MPRIP: variants seen among roughly 807,000 people sequenced by gnomAD.
The protein encoded by MPRIP is myosin phosphatase Rho interacting protein, also known as myosin phosphatase Rho-interacting protein.
In MPRIP, 59 loss-of-function variants were observed where a neutral mutation model predicts 234.9. That is an observed-to-expected ratio of 0.25 (90% CI 0.20 to 0.31). The LOEUF is 0.31. Ranked by LOEUF, MPRIP falls within the 10% of genes least tolerant of loss-of-function variation. The probability of loss-of-function intolerance (pLI) is 1.00; values close to 1 mark genes in which losing one functional copy is unlikely to be tolerated. For missense variants in MPRIP, 2,436 were observed against 3,071.0 expected (o/e 0.79, Z 4.89); for synonymous variants, 1,144 against 1,263.9 (o/e 0.91, Z 2.01).
At chr17:17,069,893 C>T (rs1420144380) in intron 1 of MPRIP, among the ~76,000 whole-genome samples, 1 of 152,006 alleles carries the variant, frequency 6.6e-6, no homozygotes, top group Non-Finnish European at 1.5e-5. Flanking sequence ...CTATGATTTC[C>T]TTTTTGTTTA....
chr17:17,156,422 G>A (rs1053503853), intron 13 of MPRIP, among the ~76,000 whole-genome samples: 2 of 152,230 alleles, frequency 1.3e-5, no homozygotes, highest in Non-Finnish European at 2.9e-5. Flanking sequence ...TTTGTTTTCA[G>A]CATTTATTCT....
intron 7 of MPRIP, among the ~76,000 whole-genome samples, chr17:17,141,124 G>C (rs2090806975): frequency 6.6e-6 from 1 of 152,216 alleles, no homozygotes; most frequent in Non-Finnish European, 1.5e-5. Context: ...ACCACGGCAT[G>C]CGATTTGCAT....
chr17:17,087,276 G>A (rs772354465), intron 3 of MPRIP, among the ~76,000 whole-genome samples: 2 of 152,192 alleles, frequency 1.3e-5, no homozygotes, highest in Admixed American at 6.5e-5. Flanking sequence ...ACAAGCAGCC[G>A]GGTCCCTGGA....
intron 3 of MPRIP, chr17:17,097,204 C>T (rs569020195): frequency 1.0e-5 from 2 of 194,834 alleles, no homozygotes; most frequent in East Asian, 1.3e-4. Flanking sequence ...GCAAAATTGC[C>T]TATTAAACCC....
rs2088200538 is a variant in MPRIP at position 17,042,478 on chromosome 17, TC to T, written c.-368del. ...CCCCGTAGTGCGTGAGGCGCTCCGGTCCCATTTGCAGCGGCCGCGGGGCGCC... is the reference window on the plus strand; with the variant it reads ...CCCCGTAGTGCGTGAGGCGCTCCGGTCCATTTGCAGCGGCCGCGGGGCGCC... On this transcript the variant is annotated 5_prime_UTR_variant, in exon 1 of 24. Transcript: ENST00000651222. The T allele has an allele frequency of 7.0e-6, 1 of 143,726 alleles. No homozygotes were observed. The highest frequency in any genetic ancestry group is 6.9e-5 in the Admixed American group (1 of 14,504). 8.9% of individuals were successfully genotyped at this position (143,726 alleles called of 1,614,324 possible).
At chr17:17,072,823 C>T (rs1284584530) in intron 1 of MPRIP, among the ~76,000 whole-genome samples, 1 of 152,158 alleles carries the variant, frequency 6.6e-6, no homozygotes, top group Admixed American at 6.5e-5. Flanking sequence ...TCATTCCTGC[C>T]TCTGCACCTG....
At chr17:17,121,417 CA>C (rs1307093521) in intron 3 of MPRIP, among the ~76,000 whole-genome samples, 1 of 152,254 alleles carries the variant, frequency 6.6e-6, no homozygotes, top group African/African-American at 2.4e-5. Flanking sequence ...AGCTTCTTAG[CA>C]GTCTGCTTCC....
intron 3 of MPRIP, among the ~76,000 whole-genome samples, chr17:17,109,300 G>A (rs570587382): frequency 1.3e-3 from 203 of 152,340 alleles, no homozygotes; most frequent in African/African-American, 4.8e-3. Context: ...GTAGAGTGGA[G>A]TCTGCAAGCC....
At chr17:17,163,942 A>AG (rs2144623370) in intron 15 of MPRIP, among the ~76,000 whole-genome samples, 167 bp from the exon 16 acceptor site, 1 of 151,998 alleles carries the variant, frequency 6.6e-6, no homozygotes, top group South Asian at 2.1e-4. Context: ...AAAAAAAAAA[A>AG]AGAAAATTTG....
intron 1 of MPRIP, among the ~76,000 whole-genome samples, chr17:17,065,420 C>T (rs1325998326): frequency 7.1e-6 from 1 of 141,076 alleles, no homozygotes; most frequent in Non-Finnish European, 1.5e-5. Flanking sequence ...CGAAGGGTCA[C>T]TCTAGCACCA....
At chr17:17,163,874 T>C (rs1381060736) in intron 15 of MPRIP, among the ~76,000 whole-genome samples, 1 of 151,496 alleles carries the variant, frequency 6.6e-6, no homozygotes, top group East Asian at 1.9e-4. Flanking sequence ...TGGTTAAAGC[T>C]GTTTTCTGAT....
chr17:17,157,988 A>G (rs1420294547), intron 13 of MPRIP, among the ~76,000 whole-genome samples: 2 of 152,156 alleles, frequency 1.3e-5, no homozygotes, highest in Non-Finnish European at 2.9e-5. Flanking sequence ...GGCTGTGCCC[A>G]GGTGCAGCCT....
Position 17,052,448 on chromosome 17 carries a change from G to A in MPRIP, c.123+9477G>A, listed in dbSNP as rs8066877. 6.3e-3 allele frequency among the ~76,000 whole-genome samples: 959 copies of A among 152,220 alleles called. 5 individuals are homozygous for A. Among genetic ancestry groups the A allele is most frequent in the African/African-American group, 0.021 (886 of 41,514 alleles). ...CCTGCCTTTCCCCCACATTATGCAG[G>A]TGAGGGATTGTCTTCAATTAGCAGA... On this transcript the variant is annotated intron_variant, in intron 1 of 23. Transcript: ENST00000651222.
chr17:17,163,821 C>G (rs1597488071), intron 15 of MPRIP, among the ~76,000 whole-genome samples: 3 of 151,940 alleles, frequency 2.0e-5, no homozygotes, highest in Admixed American at 2.0e-4. Context: ...TTAGTGTGTT[C>G]CATTATTCAG....
At chr17:17,171,644 G>C in intron 16 of MPRIP, 74 bp from the exon 17 acceptor site, 1 of 1,552,202 alleles carries the variant, frequency 6.4e-7, no homozygotes, top group Non-Finnish European at 8.7e-7. Flanking sequence ...GGGATTCCTG[G>C]CTCCTTTATT....
At chr17:17,176,937 C>A (rs2144691392) in intron 21 of MPRIP, among the ~76,000 whole-genome samples, 1 of 152,300 alleles carries the variant, frequency 6.6e-6, no homozygotes, top group Non-Finnish European at 1.5e-5. Context: ...GATTTCCAGG[C>A]TGAAGCCCAC....
At chr17:17,127,053 C>G (rs1019881554) in intron 4 of MPRIP, among the ~76,000 whole-genome samples, 200 bp downstream of exon 4, 2 of 152,216 alleles carry the variant, frequency 1.3e-5, no homozygotes, top group Non-Finnish European at 2.9e-5. Context: ...CCTGCAGCCT[C>G]TGGGGCCCCT....
intron 23 of MPRIP, chr17:17,182,981 G>C (rs1014042959): frequency 1.3e-5 from 2 of 152,418 alleles, no homozygotes; most frequent in African/African-American, 4.8e-5. Flanking sequence ...TGTCTACCCA[G>C]GTCCTCTGCA....
intron 3 of MPRIP, among the ~76,000 whole-genome samples, chr17:17,087,983 G>T (rs1233916663): frequency 6.6e-6 from 1 of 152,228 alleles, no homozygotes; most frequent in African/African-American, 2.4e-5. Flanking sequence ...CTGCCAGCCT[G>T]TGTTCAGGGC....
Sources: allele counts gnomAD v4.1 joint callset (sites outside exome capture counted in the v4.1 genomes callset), GRCh38; gene constraint gnomAD v4.1.1; transcripts MANE v1.5; gene names NCBI Gene and HGNC (gene_info 2026-07-23, HGNC 2026-07-21).